The following DCC variants were observed in gnomAD, a reference collection of about 807,000 sequenced individuals.
The protein encoded by DCC is DCC netrin 1 receptor, also known as netrin receptor DCC.
Under a neutral mutation model 172.5 loss-of-function variants are expected in DCC, and 58 were observed. The ratio of observed to expected loss-of-function variants is 0.34; its 90% CI spans 0.27 to 0.42. The LOEUF (loss-of-function observed/expected upper bound fraction) is 0.42, where lower values mean the gene tolerates loss of function less well. DCC is among the 10% of genes least tolerant of loss of function. The pLI, the probability that DCC is intolerant of heterozygous loss-of-function variation, is 1.00. For missense variants in DCC, 1,740 were observed against 1,791.0 expected (o/e 0.97, Z 0.51); for synonymous variants, 709 against 644.5 (o/e 1.10, Z -1.52).
At chr18:52,409,809 G>A (rs939086858) in intron 1 of DCC, among the ~76,000 whole-genome samples, 1 of 152,154 alleles carries the variant, frequency 6.6e-6, no homozygotes, top group African/African-American at 2.4e-5. Context: ...AGAGGAGATT[G>A]TCAGGTAGGA....
chr18:53,328,121 T>G (rs1257227459), intron 14 of DCC, among the ~76,000 whole-genome samples: 2 of 152,198 alleles, frequency 1.3e-5, no homozygotes, highest in African/African-American at 4.8e-5. Flanking sequence ...ATCTCAAAGT[T>G]CCACTGTACA....
rs1036076804 is a variant in DCC, at chr18:53,340,053, C to CACACACAT, written c.2359+153_2359+154insTACACACA. The stretch of plus-strand genomic sequence containing the variant: ...CTGAAAGCAACTGTCTATCTACACA[C>CACACACAT]ACACACACACACACACACACACATA... On this transcript the variant is annotated intron_variant, in intron 15 of 28. Coordinates refer to ENST00000442544, the MANE Select transcript of DCC (RefSeq NM_005215.4). 4 of 591,242 alleles carry CACACACAT rather than the reference C, an allele frequency of 6.8e-6. No individual in the cohort carries two copies. In the Admixed American group the frequency reaches 7.9e-5, roughly 12 times the overall value. The allele number at this position is 591,242 out of a possible 1,614,324, so 36.6% of individuals were successfully genotyped here. A position where few individuals can be genotyped will look rare whatever the true frequency, so the allele number is the denominator to read the frequency against.
intron 26 of DCC, among the ~76,000 whole-genome samples, chr18:53,489,422 C>T (rs2045936929): frequency 6.6e-6 from 1 of 152,178 alleles, no homozygotes; most frequent in Admixed American, 6.5e-5. Flanking sequence ...AATTAACTAA[C>T]TTCCCATTTC....
chr18:52,911,425 T>C (rs558644857), intron 3 of DCC, among the ~76,000 whole-genome samples: 1 of 127,976 alleles, frequency 7.8e-6, no homozygotes, highest in Non-Finnish European at 1.9e-5. Flanking sequence ...GCTCACTTTA[T>C]TTATAAGATA....
chr18:52,357,027 T>C (rs976473675), intron 1 of DCC, among the ~76,000 whole-genome samples: 1 of 152,078 alleles, frequency 6.6e-6, no homozygotes, highest in African/African-American at 2.4e-5. Context: ...TCAGGTGAAA[T>C]GTCCACCTTG....
At chr18:52,674,163 T>C (rs900816200) in intron 1 of DCC, among the ~76,000 whole-genome samples, 2 of 152,158 alleles carry the variant, frequency 1.3e-5, no homozygotes, top group Admixed American at 6.5e-5. Flanking sequence ...GAGAAACTTA[T>C]AGTGAAGATA....
At chr18:52,714,466 C>T (rs1486501905) in intron 1 of DCC, among the ~76,000 whole-genome samples, 1 of 152,090 alleles carries the variant, frequency 6.6e-6, no homozygotes, top group Non-Finnish European at 1.5e-5. Context: ...TTTTTAAATG[C>T]TGTAATGTTA....
At position 52,448,085 on chromosome 18, in the gene DCC, C is replaced by T. The variant is rs184041765; in HGVS notation, c.91+107207C>T. On this transcript the variant is annotated intron_variant, in intron 1 of 28. Coordinates refer to ENST00000442544, the MANE Select transcript of DCC (RefSeq NM_005215.4). ...GTCTGTGGCCTGTTAGGAACCGGGC[C>T]GCACAGCAGGAGGGGAGTGGTAGGT... 2.6e-3 allele frequency among the ~76,000 whole-genome samples: 399 copies of T among 152,250 alleles called. 1 individual carries two copies. The highest frequency in any genetic ancestry group is 8.7e-3 in the African/African-American group (360 of 41,564).
chr18:52,668,655 A>G (rs1394128795), intron 1 of DCC, among the ~76,000 whole-genome samples: 1 of 152,208 alleles, frequency 6.6e-6, no homozygotes, highest in African/African-American at 2.4e-5. Context: ...AGAGCAGAGT[A>G]ATGGCTTTTT....
At chr18:52,742,735 ATTTTC>A (rs763650337) in intron 1 of DCC, among the ~76,000 whole-genome samples, 5,340 of 152,248 alleles carry the variant, frequency 0.035, 133 homozygotes, top group Admixed American at 0.048. Context: ...AAAGCAAGCA[ATTTTC>A]CAAGTAGAAG....
At chr18:53,051,383 AC>A (rs2042332748) in intron 5 of DCC, among the ~76,000 whole-genome samples, 1 of 152,000 alleles carries the variant, frequency 6.6e-6, no homozygotes, top group South Asian at 2.1e-4. Flanking sequence ...TATTTGTTTC[AC>A]CCTGTTCAGG....
chr18:53,322,236 T>A (rs2057420090), intron 14 of DCC, 79 bp downstream of exon 14: 1 of 817,320 alleles, frequency 1.2e-6, no homozygotes, highest in Non-Finnish European at 2.1e-6. Flanking sequence ...AAAAAAGGAA[T>A]GAACTCCAAC....
At chr18:52,726,803 C>G (rs2036558144) in intron 1 of DCC, among the ~76,000 whole-genome samples, 1 of 152,016 alleles carries the variant, frequency 6.6e-6, no homozygotes, top group African/African-American at 2.4e-5. Context: ...TGGAGCTAGC[C>G]AAATCATAGA....
rs552178619 is a variant in DCC at position 53,323,466 on chromosome 18, T to C, written c.2164+1309T>C. ...AAGTCTTACTAAGCATCAGGCACCA[T>C]GCTGAGCTTTGATACAATAATAACT... On this transcript the variant is annotated intron_variant, in intron 14 of 28. Transcript: ENST00000442544. 1.3e-3 allele frequency among the ~76,000 whole-genome samples: 201 copies of C among 152,360 alleles called. 1 individual carries two copies. The highest frequency in any genetic ancestry group is 3.4e-3 in the Middle Eastern group (1 of 294).
At chr18:53,504,923 T>TTTGTTTGTTTTTTTAACTAAC (rs771508856) in intron 27 of DCC, among the ~76,000 whole-genome samples, 15 of 152,120 alleles carry the variant, frequency 9.9e-5, no homozygotes, top group Non-Finnish European at 1.8e-4. Context: ...TTTTTGTTTG[T>TTTGTTTGTTTTTTTAACTAAC]TTGTTTGTTT....
chr18:53,212,462 A>C (rs2055769892), intron 11 of DCC, among the ~76,000 whole-genome samples: 1 of 152,164 alleles, frequency 6.6e-6, no homozygotes, highest in Non-Finnish European at 1.5e-5. Flanking sequence ...ATTGATAGTG[A>C]GAAGGAGGGA....
chr18:52,355,124 A>G (rs964651353), intron 1 of DCC, among the ~76,000 whole-genome samples: 11 of 152,196 alleles, frequency 7.2e-5, no homozygotes, highest in South Asian at 2.1e-4. Flanking sequence ...TCAGAGCACC[A>G]TTCCTGAAGA....
intron 2 of DCC, among the ~76,000 whole-genome samples, chr18:52,879,949 A>T (rs1420662725): frequency 6.6e-6 from 1 of 152,130 alleles, no homozygotes; most frequent in Non-Finnish European, 1.5e-5. Flanking sequence ...GTGTTTTGAT[A>T]CAGGCATGTG....
intron 1 of DCC, among the ~76,000 whole-genome samples, chr18:52,544,363 C>A (rs143480747): frequency 6.6e-6 from 1 of 152,238 alleles, no homozygotes; most frequent in Admixed American, 6.5e-5. Flanking sequence ...AGCCAAGGAA[C>A]AAGATGGTCA....
Sources: gnomAD v4.1 joint callset for allele counts (sites outside exome capture counted in the v4.1 genomes callset) on GRCh38, gnomAD v4.1.1 for gene constraint, MANE v1.5 for transcripts, NCBI Gene and HGNC (gene_info 2026-07-23, HGNC 2026-07-21) for gene names.